The following MDN1 variants were observed in gnomAD, a reference collection of about 807,000 sequenced individuals.
MDN1 encodes the protein midasin.
MDN1 carries 266 observed loss-of-function variants against 669.2 expected under a neutral mutation model. The observed-to-expected ratio is 0.40, with a 90% CI of 0.36 to 0.44. MDN1 has a LOEUF of 0.44. Among genes scored for constraint, MDN1 ranks in the 20% least tolerant of loss-of-function variants. The pLI is 1.00. For missense variants in MDN1, 5,940 were observed against 6,754.0 expected (o/e 0.88, Z 4.22); for synonymous variants, 2,385 against 2,457.1 (o/e 0.97, Z 0.87).
intron 72 of MDN1, among the ~76,000 whole-genome samples, 169 bp downstream of exon 72, chr6:89,683,662 G>A (rs1451315834): frequency 6.7e-6 from 1 of 149,198 alleles, no homozygotes; most frequent in African/African-American, 2.4e-5. Context: ...TTTGCTTGGA[G>A]AAGAAGGGGG....
In MDN1 at chr6:89,665,436, C is replaced by T. The variant is rs574586515; in HGVS notation, c.14095-808G>A. ...TGAAAGTCCTTTTTAAGGCCAGGCA[C>T]GGTAGCTCATGCCTGTAATCCCAGC... On this transcript the variant is annotated intron_variant, in intron 84 of 101. Coordinates refer to ENST00000369393, the MANE Select transcript of MDN1 (RefSeq NM_014611.3). Among the ~76,000 whole-genome samples the T allele has an allele frequency of 6.3e-4, 96 of 152,078 alleles. 1 individual carries two copies. The highest frequency in any genetic ancestry group is 1.7e-3 in the African/African-American group (69 of 41,474).
chr6:89,813,111 C>T (rs921057337), intron 1 of MDN1, among the ~76,000 whole-genome samples: 7 of 152,102 alleles, frequency 4.6e-5, no homozygotes, highest in South Asian at 2.1e-4. Flanking sequence ...CGGCTAATTT[C>T]GTATCTTTAG....
chr6:89,764,626 A>G (rs1237814066), intron 15 of MDN1, among the ~76,000 whole-genome samples: 1 of 152,164 alleles, frequency 6.6e-6, no homozygotes, highest in Non-Finnish European at 1.5e-5. Flanking sequence ...CACAGTCAGG[A>G]AAGGCTTTGT....
In MDN1 at chr6:89,643,664, T is replaced by G. The variant is rs149940708; in HGVS notation, c.*341A>C. On this transcript the variant is annotated 3_prime_UTR_variant, in exon 102 of 102. Coordinates refer to ENST00000369393, the MANE Select transcript of MDN1 (RefSeq NM_014611.3). ...GTCCCATGCTCCTGGCAGCATCTCC[T>G]CAAGGCACAGGTGCCCAGATCCCCT... 4.6e-3 allele frequency: 918 copies of G among 199,088 alleles called. 4 individuals carry two copies. Among genetic ancestry groups the G allele is most frequent in the Middle Eastern group, 0.02 (10 of 490 alleles). 12.3% of individuals were successfully genotyped at this position (199,088 alleles called of 1,614,324 possible).
Position 89,787,965 on chromosome 6 carries a change from A to G in MDN1, c.1231-8T>C, listed in dbSNP as rs1455749936. On this transcript the variant is annotated splice_region_variant and splice_polypyrimidine_tract_variant and intron_variant, in intron 7 of 101. Transcript: ENST00000369393. Reference sequence around the variant, plus strand: ...AGGGATCAGCACAGAAACCTAAATCAGATAACAACAACCGCACTGATAAAG... The same window carrying G: ...AGGGATCAGCACAGAAACCTAAATCGGATAACAACAACCGCACTGATAAAG... The G allele has an allele frequency of 6.2e-7, 1 of 1,600,444 alleles. No homozygotes were observed. Among genetic ancestry groups the G allele is most frequent in the Admixed American group, 1.7e-5 (1 of 59,718 alleles).
chr6:89,787,067 C>G (rs931490658), intron 8 of MDN1, among the ~76,000 whole-genome samples: 8 of 137,642 alleles, frequency 5.8e-5, no homozygotes, highest in Non-Finnish European at 1.1e-4. Context: ...ACAGTGAGAC[C>G]CCATTTCAAG....
chr6:89,708,391 T>C, intron 51 of MDN1, 105 bp downstream of exon 51: 3 of 1,384,436 alleles, frequency 2.2e-6, no homozygotes, highest in East Asian at 2.3e-5. Flanking sequence ...ACTTCTCAGG[T>C]TCACAAAATT....
At position 89,695,794 on chromosome 6, in the gene MDN1, G is replaced by A; in HGVS notation, c.9582C>T (p.Leu3194=). 6.2e-7 allele frequency: 1 copy of A among 1,613,700 alleles called. No homozygotes were observed. The change falls in exon 61 of 102, where the codon CTC becomes CTT. Residue 3194 remains leucine (L), a synonymous_variant. Coordinates refer to ENST00000369393, the MANE Select transcript of MDN1 (RefSeq NM_014611.3). This position sits in a 1 kb window ranked among gnomAD's most constrained non-coding sequence, Gnocchi z 4.1. ...AGQEVLPKEL[L]CQLLTSLHHF... ...GGTGCAGGGAGGTGAGCAACTGGCAGAGCAGTTCCTTGGGCAGCACCTCCT... is the reference window on the plus strand; with the variant it reads ...GGTGCAGGGAGGTGAGCAACTGGCAAAGCAGTTCCTTGGGCAGCACCTCCT...
At chr6:89,769,112 C>T (rs918364119) in intron 15 of MDN1, among the ~76,000 whole-genome samples, 7 of 151,878 alleles carry the variant, frequency 4.6e-5, no homozygotes, top group Non-Finnish European at 1.0e-4. Flanking sequence ...ATACTGGACA[C>T]ATGCAAAATA....
At chr6:89,745,721 A>C in intron 27 of MDN1, 95 bp from the exon 28 acceptor site, 296 of 1,224,658 alleles carry the variant, frequency 2.4e-4, no homozygotes, top group Non-Finnish European at 3.1e-4. Context: ...AGAAACTCTC[A>C]TACGCGGCTG....
intron 34 of MDN1, among the ~76,000 whole-genome samples, chr6:89,731,655 T>G (rs529996533): frequency 1.3e-5 from 2 of 152,094 alleles, no homozygotes; most frequent in East Asian, 3.8e-4. Flanking sequence ...AAATACCTAA[T>G]GCATGAGGAG....
chr6:89,734,811 T>G (rs979152961), intron 33 of MDN1, among the ~76,000 whole-genome samples: 1 of 151,860 alleles, frequency 6.6e-6, no homozygotes. Context: ...CAATCTGACC[T>G]TATCTAAGGA....
At chr6:89,787,803 C>T in intron 8 of MDN1, 51 bp downstream of exon 8, 1 of 1,428,942 alleles carries the variant, frequency 7.0e-7, no homozygotes, top group South Asian at 1.2e-5. Flanking sequence ...AGCATGCAGA[C>T]TTACGAGTAA....
At chr6:89,808,254 T>C (rs1317438731) in intron 1 of MDN1, among the ~76,000 whole-genome samples, 1 of 152,194 alleles carries the variant, frequency 6.6e-6, no homozygotes, top group East Asian at 1.9e-4. Flanking sequence ...AGTACTTTTT[T>C]AATCGGATGC....
At chr6:89,684,140 T>G (rs375851138) in intron 71 of MDN1, among the ~76,000 whole-genome samples, 13 of 152,068 alleles carry the variant, frequency 8.5e-5, no homozygotes, top group African/African-American at 2.9e-4. Flanking sequence ...GTAAGGAGAT[T>G]GAGACCATCC....
At position 89,743,687 on chromosome 6, in the gene MDN1, T is replaced by C; in HGVS notation, c.4206A>G (p.Val1402=). The change falls in exon 30 of 102, where the codon GTA becomes GTG. Residue 1402 remains valine (V), a synonymous_variant. Coordinates refer to ENST00000369393, the MANE Select transcript of MDN1 (RefSeq NM_014611.3). ...ATTTCTGATTTGCCAAGGCTGCAAA[T>C]ACCTGACAGATAGTAGTTTTCCCAC... is the stretch of plus-strand genomic sequence containing the variant. ...TGCGKTTICQ[V]FAALANQKLY... The C allele has an allele frequency of 1.9e-6, 3 of 1,613,998 alleles. No individual in the cohort carries two copies. Among genetic ancestry groups the C allele is most frequent in the Non-Finnish European group, 2.5e-6 (3 of 1,179,940 alleles).
chr6:89,699,945 T>G, intron 57 of MDN1, 118 bp downstream of exon 57: 2 of 1,146,788 alleles, frequency 1.7e-6, no homozygotes, highest in South Asian at 1.6e-5. Context: ...GGCAAATCAC[T>G]TCCCTCTGCT....
At chr6:89,709,226 T>G (rs1813720345) in intron 50 of MDN1, among the ~76,000 whole-genome samples, 1 of 151,928 alleles carries the variant, frequency 6.6e-6, no homozygotes, top group Non-Finnish European at 1.5e-5. Flanking sequence ...CAAAAAAGGG[T>G]AACATTAATT....
chr6:89,699,853 C>T (rs1224611298), intron 57 of MDN1, 126 bp from the exon 58 acceptor site: 2 of 1,170,424 alleles, frequency 1.7e-6, no homozygotes, highest in African/African-American at 3.1e-5. Context: ...AACAACTCTA[C>T]TGATAAAATT....
Sources: gnomAD v4.1 joint callset for allele counts (sites outside exome capture counted in the v4.1 genomes callset) on GRCh38, gnomAD v4.1.1 for gene constraint, Gnocchi (gnomAD v3.1) non-coding constraint, MANE v1.5 for transcripts, NCBI Gene and HGNC (gene_info 2026-07-23, HGNC 2026-07-21) for gene names.